The following DECR1 variants were observed in gnomAD, a reference collection of about 807,000 sequenced individuals.
DECR1 encodes the protein 2,4-dienoyl-CoA reductase [(3E)-enoyl-CoA-producing], mitochondrial.
A neutral mutation model predicts 38.8 loss-of-function variants in DECR1; 44 were observed. The observed-to-expected ratio is 1.13, with a 90% confidence interval of 0.89 to 1.46. The LOEUF (loss-of-function observed/expected upper bound fraction) is 1.46. Ranked by LOEUF, DECR1 falls within the 40% of genes most tolerant of loss-of-function variation. The pLI, the probability that DECR1 is intolerant of heterozygous loss-of-function variation, is 0.00. For synonymous variants in DECR1, 148 were observed against 135.2 expected (o/e 1.09, Z -0.66); for missense variants, 428 against 405.5 (o/e 1.06, Z -0.48).
chr8:90,006,007 TAG>T, intron 1 of DECR1: 1 of 591,780 alleles, frequency 1.7e-6, no homozygotes, highest in Non-Finnish European at 3.0e-6. Context: ...TGGGAACTAA[TAG>T]AGTGCAAACT....
Position 90,051,715 on chromosome 8 carries a change from A to G in DECR1, c.924A>G (p.Ser308=), listed in dbSNP as rs1377158208. The G allele has an allele frequency of 1.9e-6, 3 of 1,612,870 alleles. No homozygotes were observed. Among genetic ancestry groups the G allele is most frequent in the Non-Finnish European group, 2.5e-6 (3 of 1,179,824 alleles). Reference sequence around the variant, plus strand: ...ACGGTGGAGAGGAAGTACTTATTTCAGGGGAATTCAACGACCTGAGAAAGG... The same window carrying G: ...ACGGTGGAGAGGAAGTACTTATTTCGGGGGAATTCAACGACCTGAGAAAGG... ...KFDGGEEVLI[S]GEFNDLRKVT... is the part of the protein sequence containing the mutation. Residue 308 remains serine (S), a synonymous_variant, in exon 9 of 10, where the codon TCA becomes TCG. Coordinates refer to ENST00000220764, the MANE Select transcript of DECR1 (RefSeq NM_001359.2).
intron 5 of DECR1, among the ~76,000 whole-genome samples, chr8:90,035,230 C>A (rs1586158271): frequency 6.6e-6 from 1 of 152,072 alleles, no homozygotes; most frequent in Non-Finnish European, 1.5e-5. Context: ...ATTCATTTAG[C>A]TTTCTGCATT....
intron 2 of DECR1, chr8:90,018,462 T>C (rs967156132): frequency 2.6e-5 from 4 of 153,142 alleles, no homozygotes; most frequent in African/African-American, 9.6e-5. Context: ...GAATATTTTT[T>C]GTTTTTACAT....
At chr8:90,021,221 AG>A (rs1813154816) in intron 5 of DECR1, among the ~76,000 whole-genome samples, 165 bp downstream of exon 5, 3 of 152,224 alleles carry the variant, frequency 2.0e-5, no homozygotes, top group East Asian at 3.8e-4. Context: ...TTACAATTTG[AG>A]CAGTAATAAA....
At chr8:90,009,835 C>T (rs1412577569) in intron 1 of DECR1, among the ~76,000 whole-genome samples, 1 of 152,196 alleles carries the variant, frequency 6.6e-6, no homozygotes, top group Admixed American at 6.5e-5. Flanking sequence ...GATTTCATCT[C>T]TTTTTATTTT....
chr8:90,042,619 G>A, intron 6 of DECR1, 109 bp from the exon 7 acceptor site: 1 of 856,110 alleles, frequency 1.2e-6, no homozygotes, highest in Middle Eastern at 3.4e-4. Context: ...CCTACCTGTT[G>A]GGGTTGTAAT....
chr8:90,025,450 T>C (rs1039276230), intron 5 of DECR1, among the ~76,000 whole-genome samples: 2 of 152,208 alleles, frequency 1.3e-5, no homozygotes, highest in Non-Finnish European at 2.9e-5. Context: ...CCCTTGTAAG[T>C]TGGATTCCTA....
At position 90,020,949 on chromosome 8, in the gene DECR1, C is replaced by A; in HGVS notation, c.458C>A (p.Thr153Asn). The A allele has an allele frequency of 6.3e-7, 1 of 1,588,048 alleles. No individual in the cohort carries two copies. The highest frequency in any genetic ancestry group is 8.5e-7 in the Non-Finnish European group (1 of 1,169,952). The part of the protein sequence containing the change: ...NNAAGNFISP[T>N]ERLSPNAWKT... ...GCAGCAGGGAATTTTATTTCTCCTA[C>A]TGAAAGACTTTCTCCTAATGCTTGG... Residue 153 changes from threonine to asparagine, a missense_variant, in exon 5 of 10, where the codon ACT becomes AAT. By Grantham distance (65) the Thr-to-Asn change is moderately conservative. Transcript: ENST00000220764.
intron 4 of DECR1, among the ~76,000 whole-genome samples, chr8:90,019,563 G>A (rs1008032381): frequency 9.8e-5 from 15 of 152,322 alleles, no homozygotes; most frequent in Admixed American, 2.6e-4. Flanking sequence ...TTATCAGTTC[G>A]TTGCCATGGA....
rs540328022 is a variant in DECR1 at position 90,002,075 on chromosome 8, G to A, written c.69+514G>A. Among the ~76,000 whole-genome samples the A allele has an allele frequency of 2.0e-5, 3 of 152,236 alleles. No homozygotes were observed. In the East Asian group the frequency reaches 5.8e-4, roughly 29 times the overall value. ...CAGATGAAGCCCTGATGTGTGTAGG[G>A]GAATAGGGAAGAGACGTGATTTTCG... On this transcript the variant is annotated intron_variant, in intron 1 of 9. Transcript: ENST00000220764.
chr8:90,003,704 G>A (rs1812673312), intron 1 of DECR1, among the ~76,000 whole-genome samples: 2 of 152,168 alleles, frequency 1.3e-5, no homozygotes, highest in Non-Finnish European at 2.9e-5. Context: ...CACTTTGGGA[G>A]GCTGAGGCGG....
intron 5 of DECR1, among the ~76,000 whole-genome samples, chr8:90,028,638 G>T (rs143348308): frequency 8.9e-4 from 135 of 152,044 alleles, no homozygotes; most frequent in African/African-American, 3.0e-3. Context: ...TCTTTTTAAA[G>T]ACATTACCTA....
At chr8:90,020,605 C>T (rs73308404) in intron 4 of DECR1, among the ~76,000 whole-genome samples, 1 of 152,094 alleles carries the variant, frequency 6.6e-6, no homozygotes, top group African/African-American at 2.4e-5. Flanking sequence ...TGTTGCCCAG[C>T]CTGGTCTTGA....
In DECR1 at chr8:90,053,392, C is replaced by G. The variant is rs1202140500; in HGVS notation, c.*1495C>G. 6.6e-6 allele frequency among the ~76,000 whole-genome samples: 1 copy of G among 152,168 alleles called. No individual in the cohort carries two copies. Among genetic ancestry groups the G allele is most frequent in the East Asian group, 1.9e-4 (1 of 5,190 alleles). On this transcript the variant is annotated 3_prime_UTR_variant, in exon 10 of 10. Transcript: ENST00000220764. Reference sequence around the variant, plus strand: ...GGGGAACTCCCATTTATAAAACCATCAGATCTCGTGAGACTTATTCACTAT... The same window carrying G: ...GGGGAACTCCCATTTATAAAACCATGAGATCTCGTGAGACTTATTCACTAT...
intron 1 of DECR1, chr8:90,016,871 G>A (rs1813021287): frequency 2.7e-5 from 11 of 402,580 alleles, no homozygotes; most frequent in South Asian, 2.5e-4. Flanking sequence ...CTGAGGCACA[G>A]AGAGGTCAAA....
intron 7 of DECR1, among the ~76,000 whole-genome samples, chr8:90,043,190 T>C (rs1813806747): frequency 6.6e-6 from 1 of 152,160 alleles, no homozygotes; most frequent in Admixed American, 6.6e-5. Context: ...ACTATATTTT[T>C]AGTTTGAGAG....
chr8:90,004,352 G>GAA (rs547488325), intron 1 of DECR1, among the ~76,000 whole-genome samples: 2 of 84,784 alleles, frequency 2.4e-5, no homozygotes, highest in Non-Finnish European at 5.3e-5. Context: ...ATCTCAAAAA[G>GAA]AAAAAAAAAA....
chr8:90,031,479 A>G (rs1250307002), intron 5 of DECR1, among the ~76,000 whole-genome samples: 2 of 152,154 alleles, frequency 1.3e-5, no homozygotes, highest in Non-Finnish European at 2.9e-5. Context: ...AGCAGCCTAC[A>G]TGAGGGACAT....
At chr8:90,029,079 AAG>A (rs144977645) in intron 5 of DECR1, among the ~76,000 whole-genome samples, 4,763 of 152,224 alleles carry the variant, frequency 0.031, 122 homozygotes, top group South Asian at 0.096. Flanking sequence ...AGTAGAGAAA[AAG>A]AAGGAACTGT....
Sources: allele counts gnomAD v4.1 joint callset (sites outside exome capture counted in the v4.1 genomes callset), GRCh38; gene constraint gnomAD v4.1.1; transcripts MANE v1.5; gene names NCBI Gene and HGNC (gene_info 2026-07-23, HGNC 2026-07-21).